Variants in ARMC9 observed in about 807,000 individuals in gnomAD.
The protein encoded by ARMC9 is lisH domain-containing protein ARMC9.
ARMC9 carries 94 observed loss-of-function variants against 107.0 expected under a neutral mutation model. The observed-to-expected ratio is 0.88, with a 90% CI of 0.74 to 1.04. The LOEUF (loss-of-function observed/expected upper bound fraction) is 1.04. Ranked by LOEUF, ARMC9 falls within the 50% of genes least tolerant of loss-of-function variation. The pLI is 0.00. For missense variants in ARMC9, 942 were observed against 1,030.1 expected, an observed-to-expected ratio of 0.91 and a Z score of 1.17; for synonymous variants, 380 against 396.9, an observed-to-expected ratio of 0.96 and a Z score of 0.51.
chr2:231,296,210 A>G lies in ARMC9; in HGVS notation c.1730A>G (p.Asp577Gly), dbSNP rs1574987658. Residue 577 changes from aspartate (D) to glycine (G), a missense_variant, in exon 19 of 25, where the codon GAT (aspartate) becomes GGT (glycine). By Grantham distance (94) the Asp-to-Gly change is moderately conservative. Transcript: ENST00000611582. ...TTTTTCTTTATAGAAGAGCTACCAG[A>G]TGGTGTTCTTGAATCTGATGATGAT... ...IKQLNSEELP[D>G]GVLESDDDED... 1.2e-6 allele frequency: 2 copies of G among 1,613,140 alleles called. No individual in the cohort carries two copies. Among genetic ancestry groups the G allele is most frequent in the Non-Finnish European group, 1.7e-6 (2 of 1,179,494 alleles).
At chr2:231,290,282 G>A (rs114073433) in intron 17 of ARMC9, among the ~76,000 whole-genome samples, 50 of 152,320 alleles carry the variant, frequency 3.3e-4, no homozygotes, top group African/African-American at 1.0e-3. Context: ...AGAAGGTAGT[G>A]CTCTGTTTTG....
chr2:231,328,008 C>T (rs995323762), intron 19 of ARMC9, among the ~76,000 whole-genome samples: 3 of 152,126 alleles, frequency 2.0e-5, no homozygotes, highest in African/African-American at 7.2e-5. Flanking sequence ...TGGTCTCAAA[C>T]TCCTGATTCA....
rs879262682 is a variant in ARMC9 at position 231,211,532 on chromosome 2, C to CA, written c.178-3286dup. ...GGGGTAAAAAAGTGAGACTTTGTCTCAAAAAAAAAAAAATAGTGCTGCAGT... is the reference window on the plus strand; with the variant it reads ...GGGGTAAAAAAGTGAGACTTTGTCTCAAAAAAAAAAAAAATAGTGCTGCAGT... On this transcript the variant is annotated intron_variant, in intron 3 of 24. Coordinates refer to ENST00000611582, the MANE Select transcript of ARMC9 (RefSeq NM_001352754.2). Among the ~76,000 whole-genome samples the CA allele has an allele frequency of 5.5e-3, 757 of 137,730 alleles. 6 individuals are homozygous for CA. Among genetic ancestry groups the CA allele is most frequent in the African/African-American group, 0.013 (478 of 37,674 alleles). 90.4% of individuals were successfully genotyped at this position (137,730 alleles called of 152,430 possible).
At chr2:231,298,806 C>T (rs1332493825) in intron 19 of ARMC9, among the ~76,000 whole-genome samples, 8 of 151,888 alleles carry the variant, frequency 5.3e-5, no homozygotes, top group African/African-American at 9.7e-5. Flanking sequence ...TGGTGGCGTG[C>T]GCCTGTAATC....
chr2:231,296,994 A>G (rs2041418746), intron 19 of ARMC9, among the ~76,000 whole-genome samples: 1 of 151,876 alleles, frequency 6.6e-6, no homozygotes, highest in Non-Finnish European at 1.5e-5. Flanking sequence ...TTTTGGGGGG[A>G]GCATTCACTG....
chr2:231,342,629 C>T lies in ARMC9; in HGVS notation c.1879-2346C>T, dbSNP rs549757511. Among the ~76,000 whole-genome samples, 280 of 151,934 alleles carry T rather than the reference C, an allele frequency of 1.8e-3. 1 individual carries two copies. The highest frequency in any genetic ancestry group is 2.8e-3 in the Non-Finnish European group (188 of 67,968). ...TCACCCTGGAGCACCGTGATGAGAG[C>T]GTGTAAAGCCGACCCTAGATCCTCC... On this transcript the variant is annotated intron_variant, in intron 20 of 24. Transcript: ENST00000611582.
At chr2:231,260,202 T>C (rs1200063339) in intron 11 of ARMC9, among the ~76,000 whole-genome samples, 1 of 152,208 alleles carries the variant, frequency 6.6e-6, no homozygotes, top group Non-Finnish European at 1.5e-5. Flanking sequence ...GATTCTCATA[T>C]CTGCTTTGTG....
At chr2:231,277,367 G>A (rs1429872739) in intron 15 of ARMC9, among the ~76,000 whole-genome samples, 6 of 152,180 alleles carry the variant, frequency 3.9e-5, no homozygotes, top group Admixed American at 3.3e-4. Context: ...CCTCCAGGCT[G>A]TGGCTTTCCC....
chr2:231,324,649 C>T (rs564416173), intron 19 of ARMC9, among the ~76,000 whole-genome samples: 2 of 151,564 alleles, frequency 1.3e-5, no homozygotes, highest in Admixed American at 6.6e-5. Context: ...GAGGCTGAGG[C>T]GAGAGAATCA....
At chr2:231,353,831 AC>A (rs2045210034) in intron 21 of ARMC9, among the ~76,000 whole-genome samples, 1 of 150,372 alleles carries the variant, frequency 6.7e-6, no homozygotes, top group Non-Finnish European at 1.5e-5. Flanking sequence ...CTCAATTGAC[AC>A]CCCTGCCACA....
intron 9 of ARMC9, among the ~76,000 whole-genome samples, chr2:231,249,263 G>A (rs1247050076): frequency 6.6e-6 from 1 of 152,146 alleles, no homozygotes; most frequent in East Asian, 1.9e-4. Context: ...AAACAGCCTG[G>A]GAGTTAATAA....
chr2:231,371,073 C>T (rs538903091), intron 24 of ARMC9: 3 of 460,644 alleles, frequency 6.5e-6, no homozygotes, highest in East Asian at 6.8e-5. Context: ...CCCAGCCAGT[C>T]GCAGCCCAGG....
At chr2:231,352,845 A>T (rs2045161192) in intron 21 of ARMC9, among the ~76,000 whole-genome samples, 1 of 134,676 alleles carries the variant, frequency 7.4e-6, no homozygotes, top group Non-Finnish European at 1.5e-5. Context: ...TTACATTCCC[A>T]GGCCGGGCGC....
chr2:231,250,686 A>C (rs1341446528), intron 9 of ARMC9, among the ~76,000 whole-genome samples: 4 of 152,008 alleles, frequency 2.6e-5, no homozygotes, highest in Non-Finnish European at 2.9e-5. Context: ...GCTGCCAGGG[A>C]GAGGAGCTGG....
At chr2:231,324,414 C>T (rs763960504) in intron 19 of ARMC9, among the ~76,000 whole-genome samples, 1 of 148,922 alleles carries the variant, frequency 6.7e-6, no homozygotes, top group Non-Finnish European at 1.5e-5. Flanking sequence ...GCCACGCGGC[C>T]TATAAAGTAC....
chr2:231,281,948 G>A, intron 16 of ARMC9, 111 bp from the exon 17 acceptor site: 2 of 1,017,104 alleles, frequency 2.0e-6, no homozygotes, highest in Non-Finnish European at 3.1e-6. Context: ...TGCGAGGACG[G>A]GAACACCCAC....
chr2:231,315,162 C>T (rs1016792132), intron 19 of ARMC9, among the ~76,000 whole-genome samples: 1 of 150,482 alleles, frequency 6.6e-6, no homozygotes, highest in African/African-American at 2.5e-5. Context: ...TCACTTGAAC[C>T]TGGGAGGCAG....
chr2:231,251,260 G>A (rs1315745287), intron 9 of ARMC9, among the ~76,000 whole-genome samples: 9 of 151,970 alleles, frequency 5.9e-5, no homozygotes, highest in African/African-American at 1.9e-4. Flanking sequence ...TCCGCCTCCC[G>A]GATTCAAGCG....
chr2:231,371,021 A>G (rs780488758), intron 24 of ARMC9: 26 of 451,806 alleles, frequency 5.8e-5, no homozygotes, highest in Middle Eastern at 6.6e-4. Flanking sequence ...CCAGGTTGGG[A>G]CCCCTCCCAC....
Sources: gnomAD v4.1 joint callset for allele counts (sites outside exome capture counted in the v4.1 genomes callset) on GRCh38, gnomAD v4.1.1 for gene constraint, MANE v1.5 for transcripts, NCBI Gene and HGNC (gene_info 2026-07-23, HGNC 2026-07-21) for gene names.